The following KIAA0513 variants were observed in gnomAD, a reference collection of about 807,000 sequenced individuals.
The protein encoded by KIAA0513 is uncharacterized protein KIAA0513.
Under a neutral mutation model 56.5 loss-of-function variants are expected in KIAA0513, and 39 were observed. The ratio of observed to expected loss-of-function variants is 0.69; its 90% CI spans 0.53 to 0.90. The LOEUF is 0.90. Ranked by LOEUF, KIAA0513 falls within the 40% of genes least tolerant of loss-of-function variation. The pLI, the probability that KIAA0513 is intolerant of heterozygous loss-of-function variation, is 0.00. For missense variants in KIAA0513, 591 were observed against 535.2 expected, an observed-to-expected ratio of 1.10 and a Z score of -1.03; for synonymous variants, 268 against 215.6, an observed-to-expected ratio of 1.24 and a Z score of -2.13.
chr16:85,038,493 G>C (rs928457952), intron 1 of KIAA0513, among the ~76,000 whole-genome samples: 2 of 152,040 alleles, frequency 1.3e-5, no homozygotes, highest in African/African-American at 4.8e-5. Context: ...GATCACTTGA[G>C]GTCAGGAGTT....
Position 85,077,508 on chromosome 16 carries a change from C to A in KIAA0513, c.658C>A (p.Leu220Met). 1 of 1,614,222 alleles carries A rather than the reference C, an allele frequency of 6.2e-7. No homozygotes were observed. Among genetic ancestry groups the A allele is most frequent in the South Asian group, 1.1e-5 (1 of 91,088 alleles). ...CTACCTGAAATCCGCAAACAGCTGG[C>A]TGGCCGAAAAGAAGGACATCGCCGA... ...DSYLKSANSW[L>M]AEKKDIAERL... The change falls in exon 6 of 13, where the codon CTG becomes ATG. Residue 220 changes from leucine to methionine, a missense_variant. Transcript: ENST00000683363.
At chr16:85,046,142 T>C (rs555533662) in intron 1 of KIAA0513, among the ~76,000 whole-genome samples, 2 of 152,222 alleles carry the variant, frequency 1.3e-5, no homozygotes, top group Non-Finnish European at 2.9e-5. Context: ...GAGCTTTATA[T>C]AGAGAGCCGA....
At chr16:85,074,343 T>TACACACAC (rs1555524105) in intron 4 of KIAA0513, among the ~76,000 whole-genome samples, 2 of 130,478 alleles carry the variant, frequency 1.5e-5, no homozygotes, top group African/African-American at 5.8e-5. Flanking sequence ...TATACACACA[T>TACACACAC]ACACACACAC....
rs184032049 is a variant in KIAA0513, at chr16:85,092,533, C to G, written c.*4208C>G. 3.9e-5 allele frequency: 6 copies of G among 152,278 alleles called. No homozygotes were observed. Among genetic ancestry groups the G allele is most frequent in the Admixed American group, 3.3e-4 (5 of 15,300 alleles). 9.4% of individuals were successfully genotyped at this position (152,278 alleles called of 1,614,324 possible). On this transcript the variant is annotated 3_prime_UTR_variant, in exon 13 of 13. Coordinates refer to ENST00000683363, the MANE Select transcript of KIAA0513 (RefSeq NM_001388359.1). ...CTGAGGCTGGTCCCTCCTCAGTTTC[C>G]GCAGCCACAAGGCGAAACGGCCAGA...
chr16:85,077,702 G>A, intron 6 of KIAA0513, 70 bp downstream of exon 6: 4 of 1,174,620 alleles, frequency 3.4e-6, no homozygotes, highest in Non-Finnish European at 4.8e-6. Flanking sequence ...GCTCGGACGG[G>A]GGCAGCAGGG....
intron 1 of KIAA0513, among the ~76,000 whole-genome samples, chr16:85,041,274 C>T (rs544409399): frequency 2.6e-5 from 4 of 152,268 alleles, no homozygotes; most frequent in South Asian, 4.1e-4. Context: ...CCTGTCACTT[C>T]GCGCCAACTG....
intron 1 of KIAA0513, among the ~76,000 whole-genome samples, chr16:85,057,776 T>G (rs192415197): frequency 3.3e-5 from 5 of 151,898 alleles, no homozygotes; most frequent in East Asian, 1.9e-4. Context: ...TTTGTTTTTT[T>G]TTTTTTTCTC....
chr16:85,046,304 C>T (rs369463674), intron 1 of KIAA0513, among the ~76,000 whole-genome samples: 1 of 152,220 alleles, frequency 6.6e-6, no homozygotes, highest in East Asian at 1.9e-4. Flanking sequence ...CTTACCTAAC[C>T]TGGAGTGCTT....
intron 10 of KIAA0513, among the ~76,000 whole-genome samples, chr16:85,083,225 A>G (rs2073769123): frequency 6.6e-6 from 1 of 152,160 alleles, no homozygotes; most frequent in Non-Finnish European, 1.5e-5. Flanking sequence ...CAGCCCACAG[A>G]GGGGTCTGAC....
intron 1 of KIAA0513, among the ~76,000 whole-genome samples, chr16:85,058,675 A>G (rs1410128124): frequency 6.6e-6 from 1 of 151,870 alleles, no homozygotes; most frequent in Non-Finnish European, 1.5e-5. Context: ...AAAACACACA[A>G]GAAAACAAAC....
chr16:85,053,763 A>C (rs1344637135), intron 1 of KIAA0513, among the ~76,000 whole-genome samples: 1 of 152,046 alleles, frequency 6.6e-6, no homozygotes, highest in South Asian at 2.1e-4. Flanking sequence ...GAGGCTGAGG[A>C]GGCGCGGATC....
chr16:85,084,969 C>T (rs966250272), intron 10 of KIAA0513, among the ~76,000 whole-genome samples: 11 of 152,224 alleles, frequency 7.2e-5, no homozygotes, highest in Non-Finnish European at 1.6e-4. Flanking sequence ...TCCCAGCTTT[C>T]GTCTTCACCA....
chr16:85,069,476 A>G (rs556509048), intron 2 of KIAA0513, among the ~76,000 whole-genome samples: 1 of 152,220 alleles, frequency 6.6e-6, no homozygotes, highest in Non-Finnish European at 1.5e-5. Flanking sequence ...CAATTGGAGC[A>G]GCAGGAAGGG....
chr16:85,038,501 G>A (rs1489674613), intron 1 of KIAA0513, among the ~76,000 whole-genome samples: 1 of 152,042 alleles, frequency 6.6e-6, no homozygotes, highest in East Asian at 1.9e-4. Context: ...GAGGTCAGGA[G>A]TTCCAGACCG....
intron 1 of KIAA0513, among the ~76,000 whole-genome samples, chr16:85,035,455 C>T (rs1160102411): frequency 6.6e-6 from 1 of 152,180 alleles, no homozygotes; most frequent in Non-Finnish European, 1.5e-5. Context: ...GTCAGAATCT[C>T]TCTCACTTTG....
chr16:85,070,642 C>T (rs2073559865), intron 2 of KIAA0513, among the ~76,000 whole-genome samples: 1 of 152,222 alleles, frequency 6.6e-6, no homozygotes, highest in Admixed American at 6.5e-5. Context: ...TGCGCCACTG[C>T]ACTCCAGCCT....
In KIAA0513 at chr16:85,072,947, C is replaced by G; in HGVS notation, c.452C>G (p.Ser151Ter). 1.2e-6 allele frequency: 2 copies of G among 1,614,220 alleles called. No homozygotes were observed. The highest frequency in any genetic ancestry group is 1.7e-6 in the Non-Finnish European group (2 of 1,180,034). ...CAGCGCTGCAACTCCAAGTGTGTCT[C>G]AGAGGCAACCTTCTACCGCCTGGTG... ...SAQRCNSKCV[S>*]EATFYRLVQS... Residue 151 changes from serine (S) to a stop codon, truncating the protein, a stop_gained, in exon 4 of 13, where the codon TCA becomes TGA. Coordinates refer to ENST00000683363, the MANE Select transcript of KIAA0513 (RefSeq NM_001388359.1). LOFTEE classifies it high-confidence loss of function.
At chr16:85,082,916 C>CG (rs1215759417) in intron 10 of KIAA0513, among the ~76,000 whole-genome samples, 1 of 152,250 alleles carries the variant, frequency 6.6e-6, no homozygotes, top group Admixed American at 6.5e-5. Context: ...CCGGGGAAAG[C>CG]GGGCTCCAGT....
rs144609229 is a variant in KIAA0513 at position 85,030,936 on chromosome 16, G to A, written c.-173+3078G>A. ...AAAGCCAAGGCAATCCCCAGCACAC[G>A]AACAGAAGTGTAGGTCTGGAATGAA... On this transcript the variant is annotated intron_variant, in intron 1 of 12. Coordinates refer to ENST00000683363, the MANE Select transcript of KIAA0513 (RefSeq NM_001388359.1). 1.4e-4 allele frequency among the ~76,000 whole-genome samples: 22 copies of A among 152,208 alleles called. No homozygotes were observed. In the East Asian group the frequency reaches 3.5e-3, roughly 24 times the overall value.
Sources: gnomAD v4.1 joint callset for allele counts (sites outside exome capture counted in the v4.1 genomes callset) on GRCh38, gnomAD v4.1.1 for gene constraint, MANE v1.5 for transcripts, NCBI Gene and HGNC (gene_info 2026-07-23, HGNC 2026-07-21) for gene names.